The following WDR1 variants were observed in gnomAD, a reference collection of about 807,000 sequenced individuals.
WDR1 encodes WD repeat domain 1, also known as WD repeat-containing protein 1.
In WDR1, 21 loss-of-function variants were observed where a neutral mutation model predicts 71.9. The observed-to-expected ratio is 0.29, with a 90% CI of 0.21 to 0.42. WDR1 has a LOEUF of 0.42. Ranked by LOEUF, WDR1 falls within the 10% of genes least tolerant of loss-of-function variation. WDR1 has a pLI of 1.00. For synonymous variants in WDR1, 424 were observed against 347.4 expected (o/e 1.22, Z -2.45); for missense variants, 696 against 824.5 (o/e 0.84, Z 1.91).
intron 6 of WDR1, 39 bp downstream of exon 6, chr4:10,088,625 C>G (rs367968295): frequency 1.3e-6 from 2 of 1,534,860 alleles, no homozygotes; most frequent in Non-Finnish European, 1.8e-6. Context: ...AGCAGGCAGA[C>G]AAGCCATTCC....
At chr4:10,101,210 C>G (rs987987524) in intron 3 of WDR1, among the ~76,000 whole-genome samples, 1 of 152,258 alleles carries the variant, frequency 6.6e-6, no homozygotes, top group African/African-American at 2.4e-5. Flanking sequence ...AGGACTGCCC[C>G]GTGGGAATGT....
At chr4:10,115,337 C>A (rs1560551340) in intron 2 of WDR1, among the ~76,000 whole-genome samples, 1 of 152,236 alleles carries the variant, frequency 6.6e-6, no homozygotes, top group Admixed American at 6.5e-5. Context: ...GCAAGGATTT[C>A]CCAAGGAGCT....
In WDR1 at chr4:10,075,402, G is replaced by T. The variant is rs763749184; in HGVS notation, c.1797C>A (p.Val599=). Reference sequence around the variant, plus strand: ...CTCAGTAGGTGATTGTCCACTCCTTGACAGAGGCATCATGGGAGGTCGTGA... The same window carrying T: ...CTCAGTAGGTGATTGTCCACTCCTTTACAGAGGCATCATGGGAGGTCGTGA... The part of the protein sequence containing the change: ...TLVTTSHDAS[V]KEWTITY Residue 599 remains valine, a synonymous_variant, in exon 15 of 15, where the codon GTC becomes GTA. Transcript: ENST00000499869. The T allele has an allele frequency of 6.2e-7, 1 of 1,613,854 alleles. No individual in the cohort carries two copies. The highest frequency in any genetic ancestry group is 1.3e-5 in the African/African-American group (1 of 74,920).
At chr4:10,113,222 G>A (rs1164784382) in intron 2 of WDR1, among the ~76,000 whole-genome samples, 1 of 152,166 alleles carries the variant, frequency 6.6e-6, no homozygotes, top group Non-Finnish European at 1.5e-5. Flanking sequence ...TTAGCCAGGT[G>A]AATTGGCACG....
chr4:10,087,104 G>A (rs1396815726), intron 8 of WDR1, among the ~76,000 whole-genome samples: 1 of 152,208 alleles, frequency 6.6e-6, no homozygotes, highest in Non-Finnish European at 1.5e-5. Context: ...CTCCTCCCCA[G>A]GTTGGCATTT....
chr4:10,100,196 C>T (rs1432627640), intron 3 of WDR1, among the ~76,000 whole-genome samples: 1 of 152,206 alleles, frequency 6.6e-6, no homozygotes, highest in African/African-American at 2.4e-5. Context: ...TTTCTTGCTG[C>T]AACTGAGCAG....
rs1443573438 is a variant in WDR1 at position 10,116,690 on chromosome 4, G to C, written c.-24C>G. The C allele has an allele frequency of 3.7e-6, 5 of 1,349,198 alleles. No individual in the cohort carries two copies. Among genetic ancestry groups the C allele is most frequent in the Non-Finnish European group, 3.8e-6 (4 of 1,043,266 alleles). 83.6% of individuals were successfully genotyped at this position (1,349,198 alleles called of 1,614,324 possible). On this transcript the variant is annotated 5_prime_UTR_variant, in exon 1 of 15. Transcript: ENST00000499869. ...ATCCTCGCCCACTTGTTACCGCGCC[G>C]CGCTCGCCGAGAGCCTCCGGGGCCG...
At chr4:10,102,771 G>A (rs1401918669) in intron 3 of WDR1, among the ~76,000 whole-genome samples, 1 of 152,164 alleles carries the variant, frequency 6.6e-6, no homozygotes, top group African/African-American at 2.4e-5. Context: ...TAGGGCCACG[G>A]CGTGCATGAG....
intron 2 of WDR1, among the ~76,000 whole-genome samples, chr4:10,105,150 C>T (rs763847079): frequency 7.9e-5 from 12 of 152,370 alleles, no homozygotes; most frequent in Non-Finnish European, 1.6e-4. Context: ...CTCCATGAAG[C>T]CTCCAAGTAT....
intron 2 of WDR1, among the ~76,000 whole-genome samples, chr4:10,109,344 G>A (rs573480914): frequency 2.6e-5 from 4 of 152,352 alleles, no homozygotes; most frequent in African/African-American, 9.6e-5. Flanking sequence ...ACAATCCCAG[G>A]TCACGTCACT....
intron 3 of WDR1, among the ~76,000 whole-genome samples, chr4:10,101,434 T>C (rs898999024): frequency 2.0e-5 from 3 of 152,118 alleles, no homozygotes; most frequent in African/African-American, 7.2e-5. Context: ...CCCCACTTCA[T>C]CTCTGCAGCA....
intron 5 of WDR1, among the ~76,000 whole-genome samples, chr4:10,089,014 C>CA (rs1560534497): frequency 1.3e-5 from 2 of 152,180 alleles, no homozygotes. Flanking sequence ...TTATGCCCCC[C>CA]CCAGTGAGGT....
intron 13 of WDR1, 99 bp downstream of exon 13, chr4:10,077,654 C>G (rs1358358876): frequency 6.8e-7 from 1 of 1,464,938 alleles, no homozygotes; most frequent in African/African-American, 1.4e-5. Flanking sequence ...AACTACAGCT[C>G]AGACAGGCTC....
Position 10,087,905 on chromosome 4 carries a change from A to C in WDR1, c.753T>G (p.Ser251=). Reference sequence around the variant, plus strand: ...TCTTGGAAGTTTTGTCCCCAGAAGCAGAAAGCAAATGGGTGCTGTCGGGAC... The same window carrying C: ...TCTTGGAAGTTTTGTCCCCAGAAGCCGAAAGCAAATGGGTGCTGTCGGGAC... ...SWSPDSTHLL[S]ASGDKTSKIW... is the part of the protein sequence containing the mutation. The change falls in exon 8 of 15, where the codon TCT becomes TCG. Residue 251 remains serine (S), a synonymous_variant. Transcript: ENST00000499869. The C allele has an allele frequency of 6.4e-7, 1 of 1,560,216 alleles. No individual in the cohort carries two copies. The highest frequency in any genetic ancestry group is 8.7e-7 in the Non-Finnish European group (1 of 1,151,266).
At chr4:10,103,267 TACACAC>T (rs5856031) in intron 3 of WDR1, among the ~76,000 whole-genome samples, 1,556 of 143,012 alleles carry the variant, frequency 0.011, 18 homozygotes, top group South Asian at 0.027. Context: ...CATTCACACA[TACACAC>T]ACACACACAC....
rs778247378 is a variant in WDR1 at position 10,088,636 on chromosome 4, C to G, written c.636+28G>C. On this transcript the variant is annotated intron_variant, in intron 6 of 14. Coordinates refer to ENST00000499869, the MANE Select transcript of WDR1 (RefSeq NM_017491.5). ...CGGGAGCAGGCAGACAAGCCATTCC[C>G]CACCCCAAAACCCATCCCAGTTCTT... 9.5e-6 allele frequency: 15 copies of G among 1,573,466 alleles called. No individual in the cohort carries two copies. The Admixed American group carries it at 2.5e-4, about 26-fold the overall frequency.
chr4:10,077,521 T>A, intron 13 of WDR1, 73 bp from the exon 14 acceptor site: 1 of 1,601,350 alleles, frequency 6.2e-7, no homozygotes, highest in Non-Finnish European at 8.5e-7. Flanking sequence ...ACCTCGCTTA[T>A]CCCTCATGGC....
intron 2 of WDR1, 37 bp downstream of exon 2, chr4:10,116,076 C>A (rs1045737594): frequency 6.3e-7 from 1 of 1,599,892 alleles, no homozygotes; most frequent in Admixed American, 1.7e-5. Flanking sequence ...CAAGGTGGCT[C>A]CGGAGCAGAA....
At chr4:10,088,146 A>T in intron 7 of WDR1, 147 bp downstream of exon 7, 1 of 930,620 alleles carries the variant, frequency 1.1e-6, no homozygotes, top group Non-Finnish European at 1.7e-6. Flanking sequence ...TTGCGACCTT[A>T]AAGCTTTTCT....
Sources: gnomAD v4.1 joint callset for allele counts (sites outside exome capture counted in the v4.1 genomes callset) on GRCh38, gnomAD v4.1.1 for gene constraint, MANE v1.5 for transcripts, NCBI Gene and HGNC (gene_info 2026-07-23, HGNC 2026-07-21) for gene names.